PCMT1: variants seen among roughly 807,000 people sequenced by gnomAD.
PCMT1 encodes protein-L-isoaspartate(D-aspartate) O-methyltransferase.
A neutral mutation model predicts 29.2 loss-of-function variants in PCMT1; 9 were observed. The observed-to-expected ratio is 0.31, with a 90% CI of 0.19 to 0.54. The LOEUF (loss-of-function observed/expected upper bound fraction) is 0.54, where lower values mean the gene tolerates loss of function less well. Ranked by LOEUF, PCMT1 falls within the 20% of genes least tolerant of loss-of-function variation. The probability of loss-of-function intolerance (pLI) is 0.95; values close to 1 mark genes in which losing one functional copy is unlikely to be tolerated. For synonymous variants in PCMT1, 98 were observed against 97.5 expected, an observed-to-expected ratio of 1.00 and a Z score of -0.03; for missense variants, 184 against 282.2, an observed-to-expected ratio of 0.65 and a Z score of 2.49.
At chr6:149,762,643 TGA>T in intron 1 of PCMT1, among the ~76,000 whole-genome samples, 1 of 4,124 alleles carries the variant, frequency 2.4e-4, no homozygotes, top group Non-Finnish European at 3.2e-4. Flanking sequence ...TATATATCTA[TGA>T]TATATATATG....
chr6:149,770,520 C>T (rs1787268553), intron 1 of PCMT1, among the ~76,000 whole-genome samples: 1 of 152,026 alleles, frequency 6.6e-6, no homozygotes, highest in Admixed American at 6.6e-5. Flanking sequence ...GCCTGGCTAA[C>T]ACAGTGAAAC....
chr6:149,802,269 T>C lies in PCMT1; in HGVS notation c.574T>C (p.Leu192=). ...TGGTCCTGCAGGCGGAAACCAAATG[T>C]TGGAGCAGTATGACAAGCTACAAGA... The part of the protein sequence containing the change: ...PVGPAGGNQM[L]EQYDKLQDGS... Residue 192 remains leucine (L), a synonymous_variant, in exon 7 of 8, where the codon TTG becomes CTG. Coordinates refer to ENST00000464889, the MANE Select transcript of PCMT1 (RefSeq NM_001360452.2). 2 of 1,613,570 alleles carry C rather than the reference T, an allele frequency of 1.2e-6. No individual in the cohort carries two copies.
In PCMT1 at chr6:149,763,169, C is replaced by A. The variant is rs1246398851; in HGVS notation, c.56-7993C>A. Among the ~76,000 whole-genome samples, 22 of 41,280 alleles carry A rather than the reference C, an allele frequency of 5.3e-4. 3 individuals are homozygous for A. Among genetic ancestry groups the A allele is most frequent in the African/African-American group, 1.3e-3 (4 of 3,038 alleles). The allele number at this position is 41,280 out of a possible 152,430, so 27.1% of individuals were successfully genotyped here. A position where few individuals can be genotyped will look rare whatever the true frequency, so the allele number is the denominator to read the frequency against. On this transcript the variant is annotated intron_variant, in intron 1 of 7. Coordinates refer to ENST00000464889, the MANE Select transcript of PCMT1 (RefSeq NM_001360452.2). ...TATCTATGATATATATCTATGATATCTATGATATATATCTATGATATCTAT... is the reference window on the plus strand; with the variant it reads ...TATCTATGATATATATCTATGATATATATGATATATATCTATGATATCTAT...
chr6:149,778,715 T>C (rs973119419), intron 3 of PCMT1, among the ~76,000 whole-genome samples: 8 of 151,878 alleles, frequency 5.3e-5, no homozygotes, highest in African/African-American at 1.9e-4. Context: ...TTAAAAACAT[T>C]TTCTGTAGAG....
chr6:149,797,957 G>C (rs1223830285), intron 6 of PCMT1: 1 of 152,110 alleles, frequency 6.6e-6, no homozygotes. Context: ...CTTGCGCTCA[G>C]AAGTTCGAGA....
At chr6:149,786,360 G>C (rs1583038981) in intron 3 of PCMT1, among the ~76,000 whole-genome samples, 2 of 104,072 alleles carry the variant, frequency 1.9e-5, no homozygotes, top group Non-Finnish European at 3.8e-5. Flanking sequence ...CTGGCCGGGC[G>C]GGGGGCTGAC....
intron 5 of PCMT1, chr6:149,794,675 C>G (rs1788526710): frequency 5.3e-6 from 2 of 377,760 alleles, no homozygotes; most frequent in Admixed American, 3.2e-5. Flanking sequence ...CAGCCATCCC[C>G]TAGAGGGATC....
chr6:149,768,421 G>A (rs1016071044), intron 1 of PCMT1, among the ~76,000 whole-genome samples: 9 of 148,638 alleles, frequency 6.1e-5, no homozygotes, highest in African/African-American at 2.2e-4. Context: ...ATTATAATAG[G>A]TGATTTGATC....
intron 3 of PCMT1, among the ~76,000 whole-genome samples, chr6:149,783,594 G>T (rs1787902891): frequency 6.6e-6 from 1 of 152,036 alleles, no homozygotes; most frequent in Non-Finnish European, 1.5e-5. Flanking sequence ...AGCAAGACTT[G>T]CGTGTGTTCT....
chr6:149,760,008 G>A (rs1402133011), intron 1 of PCMT1, among the ~76,000 whole-genome samples: 3 of 152,092 alleles, frequency 2.0e-5, no homozygotes, highest in East Asian at 1.9e-4. Flanking sequence ...GCCCAGGTTC[G>A]TAGTTGAAAC....
At chr6:149,767,110 G>T (rs1235646050) in intron 1 of PCMT1, among the ~76,000 whole-genome samples, 1 of 152,108 alleles carries the variant, frequency 6.6e-6, no homozygotes, top group Non-Finnish European at 1.5e-5. Context: ...TTGGGAGGCT[G>T]AGGCAGGAGA....
intron 6 of PCMT1, chr6:149,796,822 TTTG>T: frequency 5.3e-6 from 1 of 188,054 alleles, no homozygotes; most frequent in Non-Finnish European, 1.1e-5. Context: ...TTTTTTGTTT[TTTG>T]TTTTTGAGGT....
intron 1 of PCMT1, among the ~76,000 whole-genome samples, chr6:149,768,903 G>A (rs1358340469): frequency 3.3e-5 from 5 of 151,946 alleles, no homozygotes; most frequent in African/African-American, 4.8e-5. Flanking sequence ...CTAGGATTAC[G>A]GACGTTAGCC....
rs147188574 is a variant in PCMT1, at chr6:149,778,467, G to A, written c.192+5298G>A. ...TGGTCTCAAACTCCTGACCTCAAGC[G>A]ATCCACCCTCCTTGGCCTCCCAAAG... is the stretch of plus-strand genomic sequence containing the variant. On this transcript the variant is annotated intron_variant, in intron 3 of 7. Transcript: ENST00000464889. 9.5e-3 allele frequency among the ~76,000 whole-genome samples: 1,446 copies of A among 151,952 alleles called. 24 individuals carry two copies. The highest frequency in any genetic ancestry group is 0.033 in the African/African-American group (1,362 of 41,454).
chr6:149,777,826 T>A (rs925208045), intron 3 of PCMT1, among the ~76,000 whole-genome samples: 2 of 131,084 alleles, frequency 1.5e-5, no homozygotes, highest in African/African-American at 3.2e-5. Context: ...CTTTCTTTTC[T>A]TCTTTCTTTT....
At chr6:149,751,343 T>A (rs1786309536) in intron 1 of PCMT1, among the ~76,000 whole-genome samples, 1 of 152,116 alleles carries the variant, frequency 6.6e-6, no homozygotes, top group South Asian at 2.1e-4. Context: ...TTTTTGAATT[T>A]TCTCTAAGAA....
chr6:149,805,334 C>T (rs1025226870), intron 7 of PCMT1, among the ~76,000 whole-genome samples: 19 of 152,206 alleles, frequency 1.2e-4, no homozygotes, highest in Non-Finnish European at 2.5e-4. Context: ...TGGCTCACGC[C>T]TGTAATCCCA....
intron 4 of PCMT1, among the ~76,000 whole-genome samples, chr6:149,790,671 T>C (rs1310730566): frequency 3.3e-5 from 5 of 152,058 alleles, no homozygotes; most frequent in Non-Finnish European, 7.4e-5. Context: ...GCAGTATAGC[T>C]GGTCAGGCCC....
intron 1 of PCMT1, among the ~76,000 whole-genome samples, chr6:149,754,902 A>G (rs1188756036): frequency 6.6e-6 from 1 of 152,240 alleles, no homozygotes; most frequent in East Asian, 1.9e-4. Context: ...AAGTGCAAGA[A>G]TAATGGTGCT....
Sources: allele counts gnomAD v4.1 joint callset (sites outside exome capture counted in the v4.1 genomes callset), GRCh38; gene constraint gnomAD v4.1.1; transcripts MANE v1.5; gene names NCBI Gene and HGNC (gene_info 2026-07-23, HGNC 2026-07-21).